Variants in PLPP3 observed in about 807,000 individuals in gnomAD.
PLPP3 encodes the protein phospholipid phosphatase 3.
PLPP3 carries 6 observed loss-of-function variants against 29.6 expected under a neutral mutation model. That is an observed-to-expected ratio of 0.20 (90% confidence interval 0.11 to 0.40). The LOEUF (loss-of-function observed/expected upper bound fraction) is 0.40, where lower values mean the gene tolerates loss of function less well. Ranked by LOEUF, PLPP3 falls within the 10% of genes least tolerant of loss-of-function variation. The pLI, the probability that PLPP3 is intolerant of heterozygous loss-of-function variation, is 1.00. For synonymous variants in PLPP3, 152 were observed against 159.7 expected (o/e 0.95, Z 0.36); for missense variants, 308 against 407.7 (o/e 0.76, Z 2.11).
Position 56,518,715 on chromosome 1 carries a change from T to TTACATATATATATATATATATATA in PLPP3, c.633+5107_633+5108insTATATATATATATATATATATGTA, listed in dbSNP as rs1553136508. On this transcript the variant is annotated intron_variant, in intron 4 of 5. Coordinates refer to ENST00000371250, the MANE Select transcript of PLPP3 (RefSeq NM_003713.5). The stretch of plus-strand genomic sequence containing the variant: ...GGAATTTACAGCCTTTTTTAATCAT[T>TTACATATATATATATATATATATA]TATATATATATATATATATAGACAG... Among the ~76,000 whole-genome samples the TTACATATATATATATATATATATA allele has an allele frequency of 7.1e-4, 90 of 126,684 alleles. 1 individual carries two copies. Among genetic ancestry groups the TTACATATATATATATATATATATA allele is most frequent in the African/African-American group, 2.5e-3 (88 of 35,806 alleles). 83.1% of individuals were successfully genotyped at this position (126,684 alleles called of 152,430 possible). A position where few individuals can be genotyped will look rare whatever the true frequency, so the allele number is the denominator to read the frequency against.
intron 5 of PLPP3, among the ~76,000 whole-genome samples, chr1:56,501,115 G>A (rs1029655680): frequency 6.6e-6 from 1 of 151,820 alleles, no homozygotes; most frequent in African/African-American, 2.4e-5. Context: ...TCTAGGGGAG[G>A]ATGAGTCCTG....
At chr1:56,537,675 AAGG>A (rs1388685614) in intron 1 of PLPP3, among the ~76,000 whole-genome samples, 2 of 152,076 alleles carry the variant, frequency 1.3e-5, no homozygotes, top group Non-Finnish European at 2.9e-5. Context: ...GTGATGACTA[AAGG>A]AGATCAACGC....
chr1:56,567,888 C>A (rs959511427), intron 1 of PLPP3, among the ~76,000 whole-genome samples: 3 of 151,994 alleles, frequency 2.0e-5, no homozygotes, highest in African/African-American at 7.3e-5. Context: ...GTGGAAATCA[C>A]CCAAATGTTC....
At chr1:56,561,650 C>T (rs1040380396) in intron 1 of PLPP3, among the ~76,000 whole-genome samples, 3 of 151,826 alleles carry the variant, frequency 2.0e-5, no homozygotes, top group Non-Finnish European at 4.4e-5. Context: ...AATTTTTCAG[C>T]ACCTATTATG....
At chr1:56,574,553 C>T (rs1043480704) in intron 1 of PLPP3, among the ~76,000 whole-genome samples, 4 of 152,296 alleles carry the variant, frequency 2.6e-5, no homozygotes, top group East Asian at 1.9e-4. Context: ...CTGCACCCAA[C>T]GAGGCTCTTT....
At chr1:56,517,441 C>T (rs906693384) in intron 4 of PLPP3, among the ~76,000 whole-genome samples, 2 of 152,228 alleles carry the variant, frequency 1.3e-5, no homozygotes, top group African/African-American at 4.8e-5. Flanking sequence ...AAGAAAACCA[C>T]CATTTTGCTG....
chr1:56,566,672 G>A (rs1223368551), intron 1 of PLPP3, among the ~76,000 whole-genome samples: 2 of 152,116 alleles, frequency 1.3e-5, no homozygotes, highest in Admixed American at 1.3e-4. Flanking sequence ...TTATTAAAAA[G>A]GTTAAGTGAG....
At chr1:56,541,702 AAAGT>A (rs777098047) in intron 1 of PLPP3, among the ~76,000 whole-genome samples, 32 of 152,306 alleles carry the variant, frequency 2.1e-4, no homozygotes, top group Middle Eastern at 3.4e-3. Context: ...TGCTTTCTAT[AAAGT>A]AAGTGAGTCA....
chr1:56,532,930 G>A (rs1223240004), intron 2 of PLPP3, among the ~76,000 whole-genome samples: 1 of 152,148 alleles, frequency 6.6e-6, no homozygotes, highest in African/African-American at 2.4e-5. Flanking sequence ...TGTGACCTTT[G>A]GAAGGTGGGG....
chr1:56,560,900 T>C (rs1274112030), intron 1 of PLPP3, among the ~76,000 whole-genome samples: 3 of 143,882 alleles, frequency 2.1e-5, no homozygotes, highest in Non-Finnish European at 4.5e-5. Flanking sequence ...TGCAGTGGCC[T>C]GATCTCGGCC....
rs183875899 is a variant in PLPP3, at chr1:56,528,435, C to G, written c.298-3881G>C. ...GATAGATTTTTGGGAAAAGATAGAG[C>G]AAGAGGTGGTGAAAGAAGCAACAAC... On this transcript the variant is annotated intron_variant, in intron 2 of 5. Coordinates refer to ENST00000371250, the MANE Select transcript of PLPP3 (RefSeq NM_003713.5). Among the ~76,000 whole-genome samples, 5 of 152,230 alleles carry G rather than the reference C, an allele frequency of 3.3e-5. No individual in the cohort carries two copies. The East Asian group carries it at 9.7e-4, about 29-fold the overall frequency.
At chr1:56,511,882 C>A in intron 5 of PLPP3, 94 bp downstream of exon 5, 2 of 1,493,766 alleles carry the variant, frequency 1.3e-6, no homozygotes, top group East Asian at 4.6e-5. Context: ...AGGACAGGAA[C>A]GAGGGCTCTC....
chr1:56,529,760 T>G (rs1369569885), intron 2 of PLPP3, among the ~76,000 whole-genome samples: 1 of 152,182 alleles, frequency 6.6e-6, no homozygotes, highest in African/African-American at 2.4e-5. Flanking sequence ...TCAGCCTTTT[T>G]CAGAAGATCA....
Position 56,512,099 on chromosome 1 carries a change from G to C in PLPP3, c.687C>G (p.Leu229=), listed in dbSNP as rs1645744696. 6.2e-7 allele frequency: 1 copy of C among 1,612,778 alleles called. No homozygotes were observed. The highest frequency in any genetic ancestry group is 8.5e-7 in the Non-Finnish European group (1 of 1,179,560). The part of the protein sequence containing the change: ...TWRGARLLRP[L]LQFTLIMMAF... ...CCATCATGATCAAGGTGAACTGCAG[G>C]AGGGGCCGGAGCAGGCGGGCTCCTC... Residue 229 remains leucine, a synonymous_variant, in exon 5 of 6, where the codon CTC becomes CTG. Transcript: ENST00000371250.
intron 5 of PLPP3, among the ~76,000 whole-genome samples, chr1:56,511,438 C>T (rs937514291): frequency 6.6e-5 from 10 of 152,106 alleles, no homozygotes; most frequent in African/African-American, 2.4e-4. Flanking sequence ...CTCCAATGAA[C>T]ACTGAGTTTA....
At chr1:56,551,766 G>A (rs1484004871) in intron 1 of PLPP3, among the ~76,000 whole-genome samples, 1 of 152,226 alleles carries the variant, frequency 6.6e-6, no homozygotes, top group Non-Finnish European at 1.5e-5. Flanking sequence ...ATGCCTTTCA[G>A]TGCACTGACT....
chr1:56,501,007 C>CCA (rs1645664251), intron 5 of PLPP3, among the ~76,000 whole-genome samples: 1 of 84,962 alleles, frequency 1.2e-5, no homozygotes, highest in Admixed American at 1.5e-4. Flanking sequence ...CTGTCTCAGA[C>CCA]AAAAAAAAAA....
chr1:56,506,351 C>T (rs1645701672), intron 5 of PLPP3, among the ~76,000 whole-genome samples: 1 of 152,216 alleles, frequency 6.6e-6, no homozygotes, highest in South Asian at 2.1e-4. Flanking sequence ...CTCTTCTTCA[C>T]ACTGGCATTC....
intron 5 of PLPP3, among the ~76,000 whole-genome samples, chr1:56,505,841 G>A (rs1213537072): frequency 6.6e-6 from 1 of 152,170 alleles, no homozygotes; most frequent in Non-Finnish European, 1.5e-5. Context: ...TTGTGCTGGA[G>A]GTCGGAACCT....
Sources: allele counts gnomAD v4.1 joint callset (sites outside exome capture counted in the v4.1 genomes callset), GRCh38; gene constraint gnomAD v4.1.1; transcripts MANE v1.5; gene names NCBI Gene and HGNC (gene_info 2026-07-23, HGNC 2026-07-21).